Variants in UNC80 observed in about 807,000 individuals in gnomAD.
UNC80 encodes the protein unc-80 subunit of NALCN channel complex.
A neutral mutation model predicts 384.6 loss-of-function variants in UNC80; 164 were observed. The observed-to-expected ratio is 0.43, with a 90% CI of 0.38 to 0.49. UNC80 has a LOEUF of 0.49. Ranked by LOEUF, UNC80 falls within the 20% of genes least tolerant of loss-of-function variation. UNC80 has a pLI of 0.00. For synonymous variants in UNC80, 1,486 were observed against 1,527.8 expected (o/e 0.97, Z 0.64); for missense variants, 3,330 against 4,143.0 (o/e 0.80, Z 5.39).
chr2:209,990,745 GT>G (rs2093376648), intron 61 of UNC80, among the ~76,000 whole-genome samples: 3 of 152,144 alleles, frequency 2.0e-5, no homozygotes, highest in African/African-American at 7.2e-5. Flanking sequence ...GGTCGCATCT[GT>G]TTCAAGGTTA....
chr2:209,968,153 T>C (rs965986608), intron 52 of UNC80: 1 of 153,316 alleles, frequency 6.5e-6, no homozygotes, highest in African/African-American at 2.4e-5. Context: ...TTCAGTGTGG[T>C]ACTAAATGAA....
intron 39 of UNC80, among the ~76,000 whole-genome samples, chr2:209,935,149 A>T (rs1423728504): frequency 6.6e-6 from 1 of 152,154 alleles, no homozygotes; most frequent in African/African-American, 2.4e-5. Context: ...GAAAACAGGG[A>T]TGTACTACTT....
intron 17 of UNC80, among the ~76,000 whole-genome samples, chr2:209,834,696 C>G (rs185443263): frequency 1.3e-4 from 20 of 152,276 alleles, no homozygotes; most frequent in African/African-American, 4.8e-4. Flanking sequence ...GTTAATGACT[C>G]TGTTTGCAAT....
intron 59 of UNC80, among the ~76,000 whole-genome samples, chr2:209,980,839 A>G (rs1004597687): frequency 3.3e-5 from 5 of 152,230 alleles, no homozygotes; most frequent in Non-Finnish European, 5.9e-5. Flanking sequence ...GTGTTAAGTG[A>G]TATGTGAATA....
intron 22 of UNC80, among the ~76,000 whole-genome samples, chr2:209,859,553 G>T (rs1335677656): frequency 6.6e-6 from 1 of 152,152 alleles, no homozygotes; most frequent in Non-Finnish European, 1.5e-5. Flanking sequence ...ACCCAGTAAT[G>T]TAAATCCTGG....
intron 7 of UNC80, chr2:209,808,711 A>C (rs868840040): frequency 1.1e-4 from 12 of 108,162 alleles, no homozygotes; most frequent in Non-Finnish European, 2.0e-4. Context: ...GAGTTGGCGG[A>C]GCGGCTGCAC....
intron 28 of UNC80, among the ~76,000 whole-genome samples, chr2:209,900,393 A>G (rs1434115217): frequency 1.3e-5 from 2 of 152,266 alleles, no homozygotes; most frequent in East Asian, 3.9e-4. Context: ...ATCTGTGATC[A>G]GTGATCCTTG....
intron 16 of UNC80, among the ~76,000 whole-genome samples, chr2:209,831,992 G>A (rs928790393): frequency 6.6e-6 from 1 of 152,132 alleles, no homozygotes; most frequent in African/African-American, 2.4e-5. Flanking sequence ...GCTGAAATTG[G>A]TTTTGTTTTC....
intron 7 of UNC80, chr2:209,808,767 T>TTCTGTGCTACTCAGCGACCTCGTTGCC (rs1553520994): frequency 8.4e-5 from 5 of 59,242 alleles, no homozygotes; most frequent in Non-Finnish European, 1.2e-4. Flanking sequence ...CCTGCGCTAC[T>TTCTGTGCTACTCAGCGACCTCGTTGCC]TCTGCGCTAC....
At chr2:209,857,107 C>T (rs1482967421) in intron 22 of UNC80, among the ~76,000 whole-genome samples, 1 of 151,928 alleles carries the variant, frequency 6.6e-6, no homozygotes. Context: ...TGTTTTATTC[C>T]ATTTTCCATG....
At chr2:209,863,464 G>A (rs112511956) in intron 22 of UNC80, among the ~76,000 whole-genome samples, 34 of 152,078 alleles carry the variant, frequency 2.2e-4, no homozygotes, top group African/African-American at 7.7e-4. Context: ...TCTCCTTCTG[G>A]TACTCCAGTC....
chr2:209,814,402 C>A (rs546559930), intron 8 of UNC80, among the ~76,000 whole-genome samples: 1 of 152,184 alleles, frequency 6.6e-6, no homozygotes, highest in South Asian at 2.1e-4. Flanking sequence ...CGCCACCACA[C>A]CCGGCTAATT....
chr2:209,944,128 C>T (rs770268405), intron 45 of UNC80, among the ~76,000 whole-genome samples: 14 of 152,278 alleles, frequency 9.2e-5, no homozygotes, highest in Non-Finnish European at 1.6e-4. Context: ...TTTCAACAAG[C>T]ATATCATTTC....
chr2:209,912,462 A>G, intron 29 of UNC80, 98 bp from the exon 30 acceptor site: 1 of 648,690 alleles, frequency 1.5e-6, no homozygotes, highest in Non-Finnish European at 2.4e-6. Flanking sequence ...TATCGCTTCC[A>G]CTAGAAGATG....
intron 21 of UNC80, among the ~76,000 whole-genome samples, chr2:209,844,488 C>CTTTCTTTCTTTCTTTCTTTCTTT (rs2082024959): frequency 1.4e-5 from 1 of 70,870 alleles, no homozygotes; most frequent in Non-Finnish European, 2.6e-5. Flanking sequence ...TCCTTCCTTC[C>CTTTCTTTCTTTCTTTCTTTCTTT]TTCCTTCCTT....
At chr2:209,798,818 C>T (rs1211180303) in intron 7 of UNC80, among the ~76,000 whole-genome samples, 1 of 149,446 alleles carries the variant, frequency 6.7e-6, no homozygotes, top group African/African-American at 2.4e-5. Flanking sequence ...GCTGGGACTA[C>T]AGGCGCCCAC....
At chr2:209,863,797 G>A (rs1299094008) in intron 22 of UNC80, among the ~76,000 whole-genome samples, 1 of 151,710 alleles carries the variant, frequency 6.6e-6, no homozygotes, top group East Asian at 1.9e-4. Context: ...CTTTAGCTCA[G>A]TGTGGTTTTC....
At chr2:209,991,656 A>G (rs1350152033) in intron 61 of UNC80, among the ~76,000 whole-genome samples, 2 of 152,252 alleles carry the variant, frequency 1.3e-5, no homozygotes, top group African/African-American at 4.8e-5. Context: ...CTCAGTAGTC[A>G]CAGAGACTTC....
chr2:209,797,920 G>T (rs538014615), intron 7 of UNC80, among the ~76,000 whole-genome samples: 1 of 152,128 alleles, frequency 6.6e-6, no homozygotes, highest in African/African-American at 2.4e-5. Context: ...GTGATGTTGA[G>T]CTTTTTTTCA....
Sources: gnomAD v4.1 joint callset for allele counts (sites outside exome capture counted in the v4.1 genomes callset) on GRCh38, gnomAD v4.1.1 for gene constraint, MANE v1.5 for transcripts, NCBI Gene and HGNC (gene_info 2026-07-23, HGNC 2026-07-21) for gene names.